The following TUSC3 variants were observed in gnomAD, a reference collection of about 807,000 sequenced individuals.
The protein encoded by TUSC3 is tumor suppressor candidate 3.
In TUSC3, 45 loss-of-function variants were observed where a neutral mutation model predicts 44.8. That is an observed-to-expected ratio of 1.00 (90% CI 0.79 to 1.29). The LOEUF (loss-of-function observed/expected upper bound fraction) is 1.29. Among genes scored for constraint, TUSC3 ranks in the 50% most tolerant of loss-of-function variants. TUSC3 has a pLI of 0.00. For synonymous variants in TUSC3, 212 were observed against 152.9 expected (o/e 1.39, Z -2.85); for missense variants, 519 against 437.9 (o/e 1.19, Z -1.65).
chr8:15,461,951 A>G (rs1800351544), intron 1 of TUSC3, among the ~76,000 whole-genome samples: 2 of 152,094 alleles, frequency 1.3e-5, no homozygotes, highest in African/African-American at 4.8e-5. Flanking sequence ...AGTTGTGAAG[A>G]TGAAAAATAA....
intron 8 of TUSC3, among the ~76,000 whole-genome samples, chr8:15,744,679 A>G (rs1811329235): frequency 6.9e-6 from 1 of 144,678 alleles, no homozygotes. Flanking sequence ...GGTATCATCT[A>G]TTGTATTAAA....
At chr8:15,673,014 A>C (rs776502632) in intron 5 of TUSC3, among the ~76,000 whole-genome samples, 16 of 152,048 alleles carry the variant, frequency 1.1e-4, no homozygotes, top group Admixed American at 9.2e-4. Flanking sequence ...CCAGTTCATT[A>C]ACTTTAAAAT....
At chr8:15,778,224 C>T in the TUSC3 span, among the ~76,000 whole-genome samples, 1 of 152,096 alleles carries the variant, frequency 6.6e-6, no homozygotes, top group African/African-American at 2.4e-5. Flanking sequence ...CCATAAAGAC[C>T]TGATTTACTA....
intron 9 of TUSC3, among the ~76,000 whole-genome samples, chr8:15,754,195 C>T (rs1471205892): frequency 6.6e-6 from 1 of 152,046 alleles, no homozygotes. Flanking sequence ...CACATACTCC[C>T]GAAGGTATTT....
At chr8:15,815,663 G>A in the TUSC3 span, among the ~76,000 whole-genome samples, 181 of 152,218 alleles carry the variant, frequency 1.2e-3, 1 homozygote, top group African/African-American at 4.1e-3. Context: ...ACAGAGCTCT[G>A]ACTTTCTAAT....
At chr8:15,598,036 C>A (rs996643706) in intron 1 of TUSC3, among the ~76,000 whole-genome samples, 49 of 152,040 alleles carry the variant, frequency 3.2e-4, no homozygotes, top group African/African-American at 1.1e-3. Flanking sequence ...TTTGTTGTTT[C>A]TAGATTCAAC....
the TUSC3 span, among the ~76,000 whole-genome samples, chr8:15,846,871 T>C: frequency 2.3e-5 from 3 of 132,164 alleles, no homozygotes; most frequent in Admixed American, 2.3e-4. Flanking sequence ...AGTATAATGA[T>C]AATTTGAAAA....
At chr8:15,673,887 T>A (rs1488988949) in intron 6 of TUSC3, 51 bp downstream of exon 6, 1 of 1,455,234 alleles carries the variant, frequency 6.9e-7, no homozygotes, top group South Asian at 1.2e-5. Context: ...CCAGCTTAAT[T>A]TAGGAATAAG....
downstream of TUSC3, among the ~76,000 whole-genome samples, chr8:15,767,818 TGC>T (rs1812370643): frequency 6.6e-6 from 1 of 152,166 alleles, no homozygotes; most frequent in Non-Finnish European, 1.5e-5. Context: ...AAGAAGCCAC[TGC>T]TGCCTGGAGA....
At chr8:15,837,831 C>A in the TUSC3 span, among the ~76,000 whole-genome samples, 18 of 152,156 alleles carry the variant, frequency 1.2e-4, no homozygotes, top group African/African-American at 3.9e-4. Flanking sequence ...TTTCAAACCC[C>A]ATCTCTTCCT....
At chr8:15,779,511 C>T in the TUSC3 span, among the ~76,000 whole-genome samples, 12 of 152,212 alleles carry the variant, frequency 7.9e-5, no homozygotes, top group East Asian at 5.8e-4. Context: ...GCTGTCTAAA[C>T]GTCGTCACAC....
intron 1 of TUSC3, among the ~76,000 whole-genome samples, chr8:15,463,204 G>C (rs186852453): frequency 3.7e-4 from 57 of 152,066 alleles, no homozygotes; most frequent in African/African-American, 1.3e-3. Flanking sequence ...TTTCCATCAG[G>C]AGACTGATTT....
chr8:15,835,816 A>G, the TUSC3 span, among the ~76,000 whole-genome samples: 4 of 151,328 alleles, frequency 2.6e-5, no homozygotes, highest in Non-Finnish European at 5.9e-5. Flanking sequence ...GGTTTTATAA[A>G]TCACTTATTT....
intron 2 of TUSC3, among the ~76,000 whole-genome samples, chr8:15,504,615 ATATATATTTTTTTTT>A (rs1408958438): frequency 2.1e-4 from 4 of 19,022 alleles, no homozygotes; most frequent in African/African-American, 1.3e-3. Context: ...ATATATATAT[ATATATATTTTTTTTT>A]TTTTTTTTTT....
chr8:15,738,286 A>G (rs1336689982), intron 7 of TUSC3, among the ~76,000 whole-genome samples: 6 of 152,204 alleles, frequency 3.9e-5, no homozygotes, highest in Non-Finnish European at 2.9e-5. Context: ...GTGTGCACAA[A>G]TGTTTACTAA....
chr8:15,676,362 T>C (rs1486753356), intron 6 of TUSC3, among the ~76,000 whole-genome samples: 1 of 152,210 alleles, frequency 6.6e-6, no homozygotes, highest in Non-Finnish European at 1.5e-5. Flanking sequence ...TTATAGATTC[T>C]GGATATTAGA....
intron 6 of TUSC3, among the ~76,000 whole-genome samples, chr8:15,723,317 A>C (rs977330079): frequency 3.3e-5 from 5 of 152,184 alleles, no homozygotes; most frequent in Non-Finnish European, 7.3e-5. Flanking sequence ...CTGACACCTC[A>C]CAGAGACAAA....
At chr8:15,625,359 A>G (rs952151107) in intron 2 of TUSC3, among the ~76,000 whole-genome samples, 2 of 152,174 alleles carry the variant, frequency 1.3e-5, no homozygotes, top group Non-Finnish European at 2.9e-5. Flanking sequence ...TACTCATAAA[A>G]TGAGTTGGGG....
chr8:15,457,580 G>C (rs2129121311), intron 1 of TUSC3, among the ~76,000 whole-genome samples: 1 of 150,754 alleles, frequency 6.6e-6, no homozygotes, highest in African/African-American at 2.4e-5. Context: ...TACGCTACGA[G>C]AAAAATGTAT....
Sources: gnomAD v4.1 joint callset for allele counts (sites outside exome capture counted in the v4.1 genomes callset) on GRCh38, gnomAD v4.1.1 for gene constraint, MANE v1.5 for transcripts, NCBI Gene and HGNC (gene_info 2026-07-23, HGNC 2026-07-21) for gene names.